The following LRRIQ3 variants were observed in gnomAD, a reference collection of about 807,000 sequenced individuals.
LRRIQ3 encodes leucine rich repeats and IQ motif containing 3.
A neutral mutation model predicts 59.3 loss-of-function variants in LRRIQ3; 75 were observed. The observed-to-expected ratio is 1.26, with a 90% confidence interval of 1.05 to 1.53. The LOEUF is 1.53. Among genes scored for constraint, LRRIQ3 ranks in the 40% most tolerant of loss-of-function variants. LRRIQ3 has a pLI of 0.00. For synonymous variants in LRRIQ3, 250 were observed against 231.3 expected (o/e 1.08, Z -0.73); for missense variants, 831 against 710.0 (o/e 1.17, Z -1.94).
Position 74,109,472 on chromosome 1 carries a change from C to T in LRRIQ3, c.789G>A (p.Gly263=). The T allele has an allele frequency of 6.4e-7, 1 of 1,571,800 alleles. No individual in the cohort carries two copies. The highest frequency in any genetic ancestry group is 8.6e-7 in the Non-Finnish European group (1 of 1,161,284). The change falls in exon 5 of 8, where the codon GGG becomes GGA. Residue 263 remains glycine (G), a synonymous_variant. Coordinates refer to ENST00000354431, the MANE Select transcript of LRRIQ3 (RefSeq NM_001105659.2). ...GATCCTTAAGGAGCTTATCTTCATA[C>T]CCTTTGGTTATGTAAATCCATTTTG... ...YEAKWIYITK[G]YEDKLLKDLF...
At chr1:74,044,666 TGAATCCAG>T (rs1292827544) in intron 6 of LRRIQ3, among the ~76,000 whole-genome samples, 1 of 152,002 alleles carries the variant, frequency 6.6e-6, no homozygotes, top group Non-Finnish European at 1.5e-5. Context: ...AAAAAATCAA[TGAATCCAG>T]GAGCTGGATT....
At chr1:74,027,797 T>C (rs1653564885) in intron 7 of LRRIQ3, among the ~76,000 whole-genome samples, 1 of 152,058 alleles carries the variant, frequency 6.6e-6, no homozygotes, top group Non-Finnish European at 1.5e-5. Flanking sequence ...AAATATGACA[T>C]GATGTAACTA....
chr1:74,129,963 C>T (rs1421014284), intron 4 of LRRIQ3, among the ~76,000 whole-genome samples: 1 of 149,634 alleles, frequency 6.7e-6, no homozygotes, highest in Non-Finnish European at 1.5e-5. Flanking sequence ...TCAAAGTTGC[C>T]CCCCCACCAA....
chr1:74,150,303 C>A (rs894744821), intron 4 of LRRIQ3, among the ~76,000 whole-genome samples: 1 of 152,150 alleles, frequency 6.6e-6, no homozygotes, highest in Non-Finnish European at 1.5e-5. Context: ...ACATAAAAAA[C>A]AAAACTTCTG....
chr1:74,139,065 T>C (rs1647179885), intron 4 of LRRIQ3, among the ~76,000 whole-genome samples: 1 of 150,638 alleles, frequency 6.6e-6, no homozygotes, highest in South Asian at 2.1e-4. Context: ...TGTATATATA[T>C]ATATATACAC....
chr1:74,111,145 G>T (rs1337948637), intron 4 of LRRIQ3, among the ~76,000 whole-genome samples: 1 of 151,672 alleles, frequency 6.6e-6, no homozygotes, highest in Non-Finnish European at 1.5e-5. Flanking sequence ...GAAAAGAAAA[G>T]AATGGATGTT....
intron 7 of LRRIQ3, among the ~76,000 whole-genome samples, chr1:74,037,624 G>T (rs1047679240): frequency 6.6e-6 from 1 of 152,046 alleles, no homozygotes. Flanking sequence ...GAGTGAAACT[G>T]TGTCTCAAAA....
At chr1:74,190,938 C>G (rs565904718) in intron 1 of LRRIQ3, among the ~76,000 whole-genome samples, 1 of 152,234 alleles carries the variant, frequency 6.6e-6, no homozygotes, top group Non-Finnish European at 1.5e-5. Context: ...TCACTTGGTT[C>G]TCATTCTCTC....
At position 74,131,661 on chromosome 1, in the gene LRRIQ3, G is replaced by T. The variant is rs921236220; in HGVS notation, c.708-22108C>A. 1.2e-4 allele frequency among the ~76,000 whole-genome samples: 18 copies of T among 152,106 alleles called. 1 individual carries two copies. Among genetic ancestry groups the T allele is most frequent in the African/African-American group, 4.3e-4 (18 of 41,420 alleles). On this transcript the variant is annotated intron_variant, in intron 4 of 7. Transcript: ENST00000354431. ...CTCAACAGATGCAGAAAAGGCCTTT[G>T]ACAAAATTCAACAACCCTTCATGCT...
At chr1:74,187,026 CA>C (rs1043917227) in intron 1 of LRRIQ3, among the ~76,000 whole-genome samples, 26 of 151,242 alleles carry the variant, frequency 1.7e-4, no homozygotes, top group Non-Finnish European at 1.0e-4. Context: ...ATTAAAAAGT[CA>C]AAAAACAATA....
chr1:74,047,802 A>ATT, intron 6 of LRRIQ3, among the ~76,000 whole-genome samples: 1 of 152,060 alleles, frequency 6.6e-6, no homozygotes, highest in East Asian at 1.9e-4. Context: ...GTATTTTGTT[A>ATT]TAACAGCCCA....
At chr1:74,073,533 C>T (rs1205040745) in intron 6 of LRRIQ3, among the ~76,000 whole-genome samples, 1 of 151,012 alleles carries the variant, frequency 6.6e-6, no homozygotes, top group Non-Finnish European at 1.5e-5. Context: ...AACAAACAAA[C>T]AAACAAACAA....
At chr1:74,194,908 C>T (rs1651002467) in intron 1 of LRRIQ3, among the ~76,000 whole-genome samples, 1 of 152,100 alleles carries the variant, frequency 6.6e-6, no homozygotes, top group African/African-American at 2.4e-5. Flanking sequence ...TCTTCAACCA[C>T]TTGCCCTCTC....
Position 74,026,908 on chromosome 1 carries a change from C to A in LRRIQ3, c.1780G>T (p.Glu594Ter), listed in dbSNP as rs755931183. The part of the protein sequence containing the change: ...EKFVMDMIAF[E>*]KACERLQDAK... ...TCTTGAAGTCTTTCACAGGCTTTTT[C>A]AAAGGCAATCATATCCATAACAAAT... The change falls in exon 8 of 8, where the codon GAA (glutamate) becomes TAA (stop). Residue 594 changes from glutamate to a stop codon, truncating the protein, a stop_gained. Transcript: ENST00000354431. LOFTEE classifies it low-confidence loss of function (END_TRUNC). 57 of 1,601,604 alleles carry A rather than the reference C, an allele frequency of 3.6e-5. No homozygotes were observed. Among genetic ancestry groups the A allele is most frequent in the Non-Finnish European group, 4.7e-5 (55 of 1,172,166 alleles).
At chr1:74,063,312 T>A (rs939312504) in intron 6 of LRRIQ3, among the ~76,000 whole-genome samples, 1 of 152,110 alleles carries the variant, frequency 6.6e-6, no homozygotes, top group Non-Finnish European at 1.5e-5. Context: ...TAACGTGGTA[T>A]ACTTGTATAT....
chr1:74,041,371 G>C lies in LRRIQ3; in HGVS notation c.1560C>G (p.Asn520Lys). ...TCAAAAGAGTGCGCTCATTATTTAA[G>C]TTTTGAACTAATAAACGCTCTGAAG... Reference protein sequence around the residue: ...QKASERLLVQNLNNERTLLTR... With the variant: ...QKASERLLVQKLNNERTLLTR... The change falls in exon 7 of 8, where the codon AAC becomes AAG. Residue 520 changes from asparagine (N) to lysine (K), a missense_variant. Transcript: ENST00000354431. The C allele has an allele frequency of 6.2e-7, 1 of 1,613,770 alleles. No homozygotes were observed. The highest frequency in any genetic ancestry group is 8.5e-7 in the Non-Finnish European group (1 of 1,179,858).
At chr1:74,069,639 C>T (rs975173791) in intron 6 of LRRIQ3, among the ~76,000 whole-genome samples, 2 of 151,846 alleles carry the variant, frequency 1.3e-5, no homozygotes, top group Non-Finnish European at 2.9e-5. Flanking sequence ...CAATCAGCAG[C>T]TAAAATGTCA....
chr1:74,196,661 T>A (rs1166631358), intron 1 of LRRIQ3, among the ~76,000 whole-genome samples: 1 of 152,168 alleles, frequency 6.6e-6, no homozygotes, highest in Non-Finnish European at 1.5e-5. Flanking sequence ...CCCAAGGCAG[T>A]CATTTTGACT....
intron 3 of LRRIQ3, chr1:74,180,882 C>T: frequency 8.0e-7 from 1 of 1,245,386 alleles, no homozygotes; most frequent in Non-Finnish European, 1.1e-6. Flanking sequence ...AAATCTCTAC[C>T]CCTTTCAGTC....
Sources: gnomAD v4.1 joint callset for allele counts (sites outside exome capture counted in the v4.1 genomes callset) on GRCh38, gnomAD v4.1.1 for gene constraint, MANE v1.5 for transcripts, NCBI Gene and HGNC (gene_info 2026-07-23, HGNC 2026-07-21) for gene names.